Variants in SLC38A12 observed in about 807,000 individuals in gnomAD.
SLC38A12 encodes the protein putative sodium-coupled neutral amino acid transporter 12.
the SLC38A12 span, among the ~76,000 whole-genome samples, chr17:74,781,125 C>T: frequency 6.6e-6 from 1 of 152,116 alleles, no homozygotes; most frequent in Admixed American, 6.6e-5. Context: ...AGGACAGGTC[C>T]CCATCATGAA....
chr17:74,790,385 G>A, the SLC38A12 span: 60 of 1,157,396 alleles, frequency 5.2e-5, no homozygotes, highest in African/African-American at 2.7e-4. Context: ...GAGGCTCCCC[G>A]CAGATTCTGG....
the SLC38A12 span, among the ~76,000 whole-genome samples, chr17:74,803,260 C>G: frequency 1.3e-5 from 2 of 152,156 alleles, no homozygotes; most frequent in African/African-American, 4.8e-5. Flanking sequence ...TATTCATAGG[C>G]AAAGGTGCAG....
the SLC38A12 span, chr17:74,785,673 G>A: frequency 0.62 from 973,189 of 1,558,800 alleles, 307,622 homozygotes; most frequent in Non-Finnish European, 0.65. Flanking sequence ...CAGGAAGCCC[G>A]AACATGAGGG....
chr17:74,827,194 T>C, the SLC38A12 span, among the ~76,000 whole-genome samples: 3 of 151,930 alleles, frequency 2.0e-5, no homozygotes, highest in Non-Finnish European at 4.4e-5. This position sits in a 1 kb window ranked among gnomAD's most constrained non-coding sequence, Gnocchi z 4.7. Flanking sequence ...TCTGCAATGA[T>C]AGAAGGCATG....
At chr17:74,836,935 AG>A in the SLC38A12 span, 1 of 1,339,408 alleles carries the variant, frequency 7.5e-7, no homozygotes, top group Non-Finnish European at 9.6e-7. The surrounding 1 kb of genome is among the most constrained non-coding windows in gnomAD (Gnocchi z 4.2). Context: ...GCTGCTCCCA[AG>A]TTCTAAGACT....
chr17:74,829,666 T>C, the SLC38A12 span, among the ~76,000 whole-genome samples: 3 of 152,018 alleles, frequency 2.0e-5, no homozygotes, highest in African/African-American at 7.2e-5. The surrounding 1 kb of genome is among the most constrained non-coding windows in gnomAD (Gnocchi z 4.1). Flanking sequence ...ACGGACTCAG[T>C]GCCTCAGCAT....
the SLC38A12 span, chr17:74,836,107 C>T: frequency 1.9e-6 from 3 of 1,614,072 alleles, no homozygotes; most frequent in East Asian, 4.5e-5. This position sits in a 1 kb window ranked among gnomAD's most constrained non-coding sequence, Gnocchi z 4.2. Flanking sequence ...CGCCACCTCA[C>T]AAGGCTGGTG....
the SLC38A12 span, among the ~76,000 whole-genome samples, chr17:74,830,550 T>G: frequency 6.6e-6 from 1 of 152,210 alleles, no homozygotes; most frequent in Non-Finnish European, 1.5e-5. Context: ...TAAGAACATA[T>G]CTTGATGTGA....
At chr17:74,785,726 T>C in the SLC38A12 span, 1 of 1,335,324 alleles carries the variant, frequency 7.5e-7, no homozygotes, top group Non-Finnish European at 1.0e-6. Flanking sequence ...CGTATCGAGC[T>C]CAGTGAGTCC....
chr17:74,806,692 GCT>G, the SLC38A12 span, among the ~76,000 whole-genome samples: 2 of 152,022 alleles, frequency 1.3e-5, no homozygotes, highest in East Asian at 3.9e-4. Flanking sequence ...GGCATTCCTC[GCT>G]CTGTCTCCCA....
chr17:74,795,662 C>A, the SLC38A12 span: 1 of 1,564,024 alleles, frequency 6.4e-7, no homozygotes, highest in Non-Finnish European at 8.8e-7. Context: ...TGCCGCCTGC[C>A]CCAGCCCAGC....
the SLC38A12 span, among the ~76,000 whole-genome samples, chr17:74,811,834 C>A: frequency 6.6e-6 from 1 of 152,052 alleles, no homozygotes; most frequent in Admixed American, 6.5e-5. Flanking sequence ...GAGTTTGAGA[C>A]CAGCCTGGAC....
chr17:74,785,803 G>T, the SLC38A12 span: 2 of 628,702 alleles, frequency 3.2e-6, no homozygotes, highest in Non-Finnish European at 5.3e-6. Flanking sequence ...TTTGTGGAGC[G>T]GTTGCACAGC....
the SLC38A12 span, chr17:74,838,314 T>A: frequency 1.0e-6 from 1 of 985,956 alleles, no homozygotes; most frequent in Non-Finnish European, 1.2e-6. Context: ...CCTCTCAGGT[T>A]GGGTAGAGCA....
chr17:74,810,924 C>T, the SLC38A12 span, among the ~76,000 whole-genome samples: 13 of 152,186 alleles, frequency 8.5e-5, no homozygotes, highest in Middle Eastern at 3.4e-3. Flanking sequence ...CTCTGGCAGA[C>T]GTCTTCCGCA....
chr17:74,835,783 A>G, the SLC38A12 span: 2 of 1,453,526 alleles, frequency 1.4e-6, no homozygotes, highest in Non-Finnish European at 1.8e-6. Flanking sequence ...CTGTTGAGCC[A>G]CCCAAGAACA....
chr17:74,823,254 A>G, the SLC38A12 span, among the ~76,000 whole-genome samples: 1 of 152,212 alleles, frequency 6.6e-6, no homozygotes, highest in African/African-American at 2.4e-5. Flanking sequence ...AAGGGGAAGA[A>G]TAAGCACCAA....
chr17:74,788,974 T>C, the SLC38A12 span: 1 of 1,001,436 alleles, frequency 1.0e-6, no homozygotes, highest in Non-Finnish European at 1.4e-6. Flanking sequence ...TGGCGGGCTC[T>C]GTCCACGGCA....
the SLC38A12 span, among the ~76,000 whole-genome samples, chr17:74,789,131 C>G: frequency 6.6e-6 from 1 of 152,168 alleles, no homozygotes; most frequent in Non-Finnish European, 1.5e-5. Context: ...ATCTTTGTAC[C>G]CAGGAACTGT....
Sources: allele counts gnomAD v4.1 joint callset (sites outside exome capture counted in the v4.1 genomes callset), GRCh38; gene constraint gnomAD v4.1.1; non-coding constraint Gnocchi (gnomAD v3.1); transcripts MANE v1.5; gene names NCBI Gene and HGNC (gene_info 2026-07-23, HGNC 2026-07-21).